Variants in FBXO42 observed in about 807,000 individuals in gnomAD.
The protein encoded by FBXO42 is F-box protein 42.
A neutral mutation model predicts 71.7 loss-of-function variants in FBXO42; 12 were observed. That is an observed-to-expected ratio of 0.17 (90% CI 0.11 to 0.27). The LOEUF (loss-of-function observed/expected upper bound fraction) is 0.27, where lower values mean the gene tolerates loss of function less well. FBXO42 is among the 10% of genes least tolerant of loss of function. The probability of loss-of-function intolerance (pLI) is 1.00; values close to 1 mark genes in which losing one functional copy is unlikely to be tolerated. For synonymous variants in FBXO42, 325 were observed against 327.5 expected (o/e 0.99, Z 0.08); for missense variants, 707 against 911.9 (o/e 0.78, Z 2.89).
chr1:16,254,197 G>A (rs575276572), intron 6 of FBXO42, among the ~76,000 whole-genome samples: 30 of 152,262 alleles, frequency 2.0e-4, no homozygotes, highest in Admixed American at 4.6e-4. Context: ...CCAGACACTA[G>A]TGCCTAATGA....
chr1:16,307,702 C>G (rs2082267298), intron 2 of FBXO42, among the ~76,000 whole-genome samples: 1 of 151,894 alleles, frequency 6.6e-6, no homozygotes, highest in Non-Finnish European at 1.5e-5. Flanking sequence ...TACATTCGCA[C>G]CAAAAAATGA....
Position 16,352,072 on chromosome 1 carries a change from C to T in FBXO42, c.-18+183G>A, listed in dbSNP as rs548231764. Among the ~76,000 whole-genome samples the T allele has an allele frequency of 9.2e-5, 14 of 152,294 alleles. No individual in the cohort carries two copies. In the South Asian group the frequency reaches 1.0e-3, roughly 11 times the overall value. ...AAGGGCTGGCTGGAAAGGAGCTGTC[C>T]TCCTCCTCGCCTCACTCGAGGACGG... is the stretch of plus-strand genomic sequence containing the variant. On this transcript the variant is annotated intron_variant, in intron 1 of 9. Coordinates refer to ENST00000375592, the MANE Select transcript of FBXO42 (RefSeq NM_018994.3).
chr1:16,323,754 C>T (rs2082427835), intron 1 of FBXO42, among the ~76,000 whole-genome samples: 1 of 140,532 alleles, frequency 7.1e-6, no homozygotes, highest in Non-Finnish European at 1.5e-5. Flanking sequence ...CGTACCACTG[C>T]ACTCCAAGGT....
chr1:16,325,797 T>C (rs1052668756), intron 1 of FBXO42, among the ~76,000 whole-genome samples: 7 of 151,732 alleles, frequency 4.6e-5, no homozygotes, highest in Admixed American at 6.6e-5. Context: ...AACTAATTTT[T>C]GTATTTTTAG....
At chr1:16,324,893 A>T (rs1362293669) in intron 1 of FBXO42, among the ~76,000 whole-genome samples, 2 of 152,172 alleles carry the variant, frequency 1.3e-5, no homozygotes, top group Non-Finnish European at 2.9e-5. Flanking sequence ...TGAAGGGATT[A>T]AACATTGTCA....
At position 16,252,147 on chromosome 1, in the gene FBXO42, A is replaced by G; in HGVS notation, c.1038+141T>C. 2.9e-6 allele frequency: 2 copies of G among 700,762 alleles called. No individual in the cohort carries two copies. The highest frequency in any genetic ancestry group is 5.0e-6 in the Non-Finnish European group (2 of 403,834). 43.4% of individuals were successfully genotyped at this position (700,762 alleles called of 1,614,324 possible). A position where few individuals can be genotyped will look rare whatever the true frequency, so the allele number is the denominator to read the frequency against. ...CCCATTTAGTGAGAAATGCCAAAGG[A>G]GCTATGGCTAATGTTCACCTCTTTT... On this transcript the variant is annotated intron_variant, in intron 9 of 9. Transcript: ENST00000375592. The surrounding 1 kb of genome is among the most constrained non-coding windows in gnomAD (Gnocchi z 4.4).
intron 1 of FBXO42, among the ~76,000 whole-genome samples, chr1:16,340,756 A>C (rs1044031017): frequency 1.3e-5 from 2 of 152,198 alleles, no homozygotes; most frequent in Non-Finnish European, 2.9e-5. Flanking sequence ...ACGGTTAATA[A>C]AACTTGCAGA....
chr1:16,256,253 CAGTT>C (rs1316305467), intron 5 of FBXO42, among the ~76,000 whole-genome samples: 1 of 152,126 alleles, frequency 6.6e-6, no homozygotes, highest in African/African-American at 2.4e-5. Context: ...CTTGGAGACA[CAGTT>C]AGGAGTAAGG....
chr1:16,256,998 CATGTTT>C (rs1300073932), intron 4 of FBXO42, among the ~76,000 whole-genome samples: 2 of 152,182 alleles, frequency 1.3e-5, no homozygotes, highest in African/African-American at 4.8e-5. Context: ...TAGCCTCTCT[CATGTTT>C]ATAATTTGCT....
intron 4 of FBXO42, among the ~76,000 whole-genome samples, chr1:16,274,939 T>A (rs1291539339): frequency 1.3e-5 from 2 of 152,182 alleles, no homozygotes; most frequent in African/African-American, 4.8e-5. Context: ...AAAGAATCGC[T>A]AATGTAAAAG....
chr1:16,313,336 G>C lies in FBXO42; in HGVS notation c.250+1833C>G, dbSNP rs1569907128. 9.6e-3 allele frequency among the ~76,000 whole-genome samples: 774 copies of C among 80,974 alleles called. 9 individuals carry two copies. The highest frequency in any genetic ancestry group is 0.026 in the African/African-American group (739 of 28,908). The allele number at this position is 80,974 out of a possible 152,430, so 53.1% of individuals were successfully genotyped here. A position where few individuals can be genotyped will look rare whatever the true frequency, so the allele number is the denominator to read the frequency against. ...AGAGAAAAGAAAACAAAGAAAGAAA[G>C]AAAGAAAGAAAGAAAGAAAGAAAGA... On this transcript the variant is annotated intron_variant, in intron 2 of 9. Transcript: ENST00000375592.
chr1:16,331,758 T>A (rs1025537983), intron 1 of FBXO42, among the ~76,000 whole-genome samples: 1 of 130,806 alleles, frequency 7.6e-6, no homozygotes, highest in African/African-American at 2.9e-5. Flanking sequence ...AATAAATAAA[T>A]AAATAAATGC....
chr1:16,255,337 CT>C (rs35405854), intron 6 of FBXO42, among the ~76,000 whole-genome samples: 47,355 of 144,752 alleles, frequency 0.33, 7,731 homozygotes, highest in Non-Finnish European at 0.37. Flanking sequence ...CCCTAACTTA[CT>C]TTTTTTTTTT....
At chr1:16,333,121 C>T (rs569394381) in intron 1 of FBXO42, among the ~76,000 whole-genome samples, 217 of 152,188 alleles carry the variant, frequency 1.4e-3, no homozygotes, top group Non-Finnish European at 2.6e-3. Context: ...GGTTCTATCC[C>T]CTCCAGCCAA....
intron 2 of FBXO42, among the ~76,000 whole-genome samples, chr1:16,314,322 T>C (rs1339140891): frequency 2.6e-5 from 4 of 152,154 alleles, no homozygotes; most frequent in Non-Finnish European, 5.9e-5. Context: ...AAGTGACAAA[T>C]GTTTTCAAGA....
At chr1:16,307,523 CAAA>C (rs796835478) in intron 2 of FBXO42, among the ~76,000 whole-genome samples, 1 of 126,070 alleles carries the variant, frequency 7.9e-6, no homozygotes, top group African/African-American at 2.9e-5. Flanking sequence ...AAAAAACAAG[CAAA>C]AAAAAAAAAG....
chr1:16,305,385 T>C (rs1342882787), intron 3 of FBXO42, among the ~76,000 whole-genome samples: 1 of 151,908 alleles, frequency 6.6e-6, no homozygotes, highest in African/African-American at 2.4e-5. Context: ...GAGACTCCAT[T>C]TCAAAATAAA....
chr1:16,337,091 T>C (rs778472666), intron 1 of FBXO42, among the ~76,000 whole-genome samples: 11 of 152,214 alleles, frequency 7.2e-5, no homozygotes, highest in Non-Finnish European at 1.6e-4. Flanking sequence ...CAAAAACAAC[T>C]GTCCAAAGAT....
At chr1:16,329,162 C>CAAAAAAAAAAAAAAAAAA (rs1221377687) in intron 1 of FBXO42, among the ~76,000 whole-genome samples, 2 of 60,444 alleles carry the variant, frequency 3.3e-5, no homozygotes, top group Non-Finnish European at 6.6e-5. Flanking sequence ...GACTCTGTCT[C>CAAAAAAAAAAAAAAAAAA]AAAAAAAAAA....
Sources: allele counts gnomAD v4.1 joint callset (sites outside exome capture counted in the v4.1 genomes callset), GRCh38; gene constraint gnomAD v4.1.1; non-coding constraint Gnocchi (gnomAD v3.1); transcripts MANE v1.5; gene names NCBI Gene and HGNC (gene_info 2026-07-23, HGNC 2026-07-21).